The following SLC16A7 variants were observed in gnomAD, a reference collection of about 807,000 sequenced individuals.
The protein encoded by SLC16A7 is solute carrier family 16 member 7, also known as monocarboxylate transporter 2.
A neutral mutation model predicts 34.9 loss-of-function variants in SLC16A7; 33 were observed. The observed-to-expected ratio is 0.94, with a 90% CI of 0.72 to 1.26. SLC16A7 has a LOEUF of 1.26. SLC16A7 is among the 50% of genes most tolerant of loss of function. The probability of loss-of-function intolerance (pLI) is 0.00; values close to 1 mark genes in which losing one functional copy is unlikely to be tolerated. For missense variants in SLC16A7, 573 were observed against 578.1 expected (o/e 0.99, Z 0.09); for synonymous variants, 201 against 206.6 (o/e 0.97, Z 0.23).
chr12:59,625,629 A>G (rs966859668), intron 1 of SLC16A7, among the ~76,000 whole-genome samples: 1 of 151,800 alleles, frequency 6.6e-6, no homozygotes, highest in African/African-American at 2.4e-5. Context: ...ACATGGGAAA[A>G]GTTGAAAATA....
intron 1 of SLC16A7, among the ~76,000 whole-genome samples, chr12:59,627,488 T>G (rs982889682): frequency 3.3e-5 from 5 of 151,926 alleles, no homozygotes; most frequent in African/African-American, 1.2e-4. Context: ...TTATTAATTT[T>G]GCTAAAAACA....
intron 1 of SLC16A7, among the ~76,000 whole-genome samples, chr12:59,649,730 C>A (rs1033221567): frequency 2.0e-5 from 3 of 152,122 alleles, no homozygotes; most frequent in African/African-American, 7.2e-5. Flanking sequence ...AGGTGGATCA[C>A]CTGAGGTGAG....
At chr12:59,613,343 A>G (rs1297267645) in intron 1 of SLC16A7, among the ~76,000 whole-genome samples, 5 of 152,224 alleles carry the variant, frequency 3.3e-5, no homozygotes, top group African/African-American at 4.8e-5. Context: ...GGTCCCTTCC[A>G]TGACATGTGA....
intron 1 of SLC16A7, among the ~76,000 whole-genome samples, chr12:59,652,839 T>C (rs1868366439): frequency 6.6e-6 from 1 of 151,834 alleles, no homozygotes; most frequent in Non-Finnish European, 1.5e-5. Context: ...TAAATAAAAG[T>C]CTTTGTAGAA....
At position 59,637,165 on chromosome 12, in the gene SLC16A7, T is replaced by C. The variant is rs561840297; in HGVS notation, c.-129-17987T>C. Among the ~76,000 whole-genome samples, 3 of 152,238 alleles carry C rather than the reference T, an allele frequency of 2.0e-5. No individual in the cohort carries two copies. In the South Asian group the frequency reaches 6.2e-4, roughly 32 times the overall value. ...TTAGTAAAAGAAGCAGTCCCTTCACTGCCCCTTTTGTGTGCACATTGAAAG... is the reference window on the plus strand; with the variant it reads ...TTAGTAAAAGAAGCAGTCCCTTCACCGCCCCTTTTGTGTGCACATTGAAAG... On this transcript the variant is annotated intron_variant, in intron 1 of 5. Transcript: ENST00000547379.
At chr12:59,703,386 A>G (rs1477566917) in intron 2 of SLC16A7, among the ~76,000 whole-genome samples, 3 of 152,112 alleles carry the variant, frequency 2.0e-5, no homozygotes, top group East Asian at 1.9e-4. Flanking sequence ...TCTACTTCCT[A>G]TAAAAGAGTA....
chr12:59,706,409 T>A (rs559548690), intron 3 of SLC16A7, among the ~76,000 whole-genome samples: 1 of 152,182 alleles, frequency 6.6e-6, no homozygotes, highest in South Asian at 2.1e-4. Flanking sequence ...TGTTGGAATG[T>A]GTTTTATACT....
intron 5 of SLC16A7, 123 bp downstream of exon 5, chr12:59,775,598 A>T (rs1219055984): frequency 2.9e-6 from 2 of 690,284 alleles, no homozygotes; most frequent in East Asian, 5.5e-5. Context: ...GAATATGGGC[A>T]GGTTAATTTT....
intron 3 of SLC16A7, among the ~76,000 whole-genome samples, chr12:59,733,434 G>T (rs1334485192): frequency 6.6e-6 from 1 of 152,096 alleles, no homozygotes; most frequent in African/African-American, 2.4e-5. Context: ...GCAGCTCCAG[G>T]CGCTGGCAAA....
intron 2 of SLC16A7, among the ~76,000 whole-genome samples, chr12:59,666,494 G>C (rs78123597): frequency 6.6e-6 from 1 of 152,064 alleles, no homozygotes; most frequent in African/African-American, 2.4e-5. Context: ...TTGAATTGTC[G>C]TTTCCATAAT....
At chr12:59,719,126 C>A (rs946764285) in intron 3 of SLC16A7, among the ~76,000 whole-genome samples, 1 of 152,110 alleles carries the variant, frequency 6.6e-6, no homozygotes, top group African/African-American at 2.4e-5. Flanking sequence ...ACAATAGGTG[C>A]ACAAAATGAG....
intron 1 of SLC16A7, among the ~76,000 whole-genome samples, chr12:59,639,985 T>G (rs1446958268): frequency 6.6e-6 from 1 of 152,146 alleles, no homozygotes; most frequent in East Asian, 1.9e-4. Context: ...TTCAATAATT[T>G]GTTAGAACAG....
At chr12:59,631,736 C>T (rs1880191781) in intron 1 of SLC16A7, among the ~76,000 whole-genome samples, 1 of 151,938 alleles carries the variant, frequency 6.6e-6, no homozygotes, top group South Asian at 2.1e-4. Flanking sequence ...TCCATGTGTT[C>T]TCATTGTTCA....
chr12:59,623,078 G>A (rs373365533), intron 1 of SLC16A7, among the ~76,000 whole-genome samples: 1 of 147,852 alleles, frequency 6.8e-6, no homozygotes, highest in Non-Finnish European at 1.5e-5. Context: ...GTGTGTGTGT[G>A]TGTGTGTGTG....
intron 5 of SLC16A7, among the ~76,000 whole-genome samples, chr12:59,779,119 A>C (rs1883032798): frequency 6.6e-6 from 1 of 152,002 alleles, no homozygotes; most frequent in African/African-American, 2.4e-5. Context: ...ATAAAAATAT[A>C]CCTCACTCAT....
chr12:59,733,958 G>T (rs887681071), intron 3 of SLC16A7: 17 of 388,172 alleles, frequency 4.4e-5, no homozygotes, highest in African/African-American at 2.5e-4. Context: ...GTTTTTAAGG[G>T]GTCAGAAGGG....
At chr12:59,660,790 T>C in intron 2 of SLC16A7, among the ~76,000 whole-genome samples, 1 of 152,242 alleles carries the variant, frequency 6.6e-6, no homozygotes, top group African/African-American at 2.4e-5. Context: ...TTATTTAAGA[T>C]GTAAATTTGT....
At chr12:59,720,707 T>C (rs191997322) in intron 3 of SLC16A7, among the ~76,000 whole-genome samples, 58 of 152,178 alleles carry the variant, frequency 3.8e-4, no homozygotes, top group Non-Finnish European at 7.4e-4. Flanking sequence ...TCAATAGCTT[T>C]CAAATAATCT....
At position 59,787,502 on chromosome 12, in the gene SLC16A7, T is replaced by G. The variant is rs1883707111; in HGVS notation, c.*7823T>G. The G allele has an allele frequency of 6.6e-6, 1 of 152,148 alleles. No homozygotes were observed. The highest frequency in any genetic ancestry group is 1.5e-5 in the Non-Finnish European group (1 of 68,034). The allele number at this position is 152,148 out of a possible 1,614,324, so 9.4% of individuals were successfully genotyped here. On this transcript the variant is annotated 3_prime_UTR_variant, in exon 6 of 6. Transcript: ENST00000547379. ...CTAGCTAGATACAGTCTTTCTAAACTTTCTCCTTTATTCCCATGTAGAGAA... is the reference window on the plus strand; with the variant it reads ...CTAGCTAGATACAGTCTTTCTAAACGTTCTCCTTTATTCCCATGTAGAGAA...
Sources: allele counts gnomAD v4.1 joint callset (sites outside exome capture counted in the v4.1 genomes callset), GRCh38; gene constraint gnomAD v4.1.1; transcripts MANE v1.5; gene names NCBI Gene and HGNC (gene_info 2026-07-23, HGNC 2026-07-21).